RAPGEF6: variants seen among roughly 807,000 people sequenced by gnomAD.
RAPGEF6 encodes Rap guanine nucleotide exchange factor 6, also known as PDZ domain containing guanine nucleotide exchange factor (GEF) 2.
A neutral mutation model predicts 171.4 loss-of-function variants in RAPGEF6; 56 were observed. The ratio of observed to expected loss-of-function variants is 0.33; its 90% CI spans 0.26 to 0.41. RAPGEF6 has a LOEUF of 0.41. Among genes scored for constraint, RAPGEF6 ranks in the 10% least tolerant of loss-of-function variants. The pLI is 1.00. For missense variants in RAPGEF6, 1,674 were observed against 1,921.4 expected (o/e 0.87, Z 2.41); for synonymous variants, 692 against 650.1 (o/e 1.06, Z -0.98).
At chr5:131,634,929 T>G in intron 1 of RAPGEF6, 33 bp downstream of exon 1, 2 of 1,612,684 alleles carry the variant, frequency 1.2e-6, no homozygotes, top group Non-Finnish European at 1.7e-6. Context: ...TCTACTGGAC[T>G]GTGAGACGCA....
At chr5:131,463,179 CA>C in intron 18 of RAPGEF6, among the ~76,000 whole-genome samples, 1 of 152,266 alleles carries the variant, frequency 6.6e-6, no homozygotes, top group South Asian at 2.1e-4. Context: ...GTACAGCCAG[CA>C]AAACAGAGTT....
At chr5:131,464,359 C>A (rs1278034062) in intron 17 of RAPGEF6, 78 bp from the exon 18 acceptor site, 3 of 1,078,674 alleles carry the variant, frequency 2.8e-6, no homozygotes, top group Non-Finnish European at 4.2e-6. Context: ...ACGTGAAACA[C>A]AGTGATCCCT....
chr5:131,528,890 G>A (rs1485650170), intron 6 of RAPGEF6, among the ~76,000 whole-genome samples: 1 of 152,132 alleles, frequency 6.6e-6, no homozygotes, highest in Non-Finnish European at 1.5e-5. Flanking sequence ...AAGTGCTGCA[G>A]ATAGGTACAG....
At chr5:131,514,681 A>T (rs1757960982) in intron 7 of RAPGEF6, among the ~76,000 whole-genome samples, 1 of 152,214 alleles carries the variant, frequency 6.6e-6, no homozygotes, top group Admixed American at 6.5e-5. Context: ...ATTTGAAGAA[A>T]GGGCAACAAA....
rs372720200 is a variant in RAPGEF6, at chr5:131,488,283, GA to G, written c.1840+1262del. ...CACACTATCTCTGTATTTTTATTCA[GA>G]ATATTTAATACCAGTTAGTAATCTT... On this transcript the variant is annotated intron_variant, in intron 15 of 27. Transcript: ENST00000509018. Among the ~76,000 whole-genome samples, 628 of 152,196 alleles carry G rather than the reference GA, an allele frequency of 4.1e-3. 6 individuals carry two copies. Among genetic ancestry groups the G allele is most frequent in the African/African-American group, 0.015 (602 of 41,510 alleles).
rs976649629 is a variant in RAPGEF6, at chr5:131,427,162, T to C, written c.*104A>G. 5.7e-6 allele frequency: 6 copies of C among 1,046,356 alleles called. No individual in the cohort carries two copies. Among genetic ancestry groups the C allele is most frequent in the East Asian group, 4.7e-5 (2 of 42,278 alleles). The allele number at this position is 1,046,356 out of a possible 1,614,324, so 64.8% of individuals were successfully genotyped here. ...AGAGGGAATAAAACCTCTGGACTGGTTGTAGCAATGAGCTGTTCGTTAGCA... is the reference window on the plus strand; with the variant it reads ...AGAGGGAATAAAACCTCTGGACTGGCTGTAGCAATGAGCTGTTCGTTAGCA... On this transcript the variant is annotated 3_prime_UTR_variant, in exon 28 of 28. Coordinates refer to ENST00000509018, the MANE Select transcript of RAPGEF6 (RefSeq NM_016340.6).
chr5:131,635,227 TC>T lies in RAPGEF6; in HGVS notation c.-198del. ...CCACGCGCGACTGGCCGGAGACAAG[TC>T]TGCGCGGGGGCGGGGGAGAGTAAGT... On this transcript the variant is annotated 5_prime_UTR_variant, in exon 1 of 28. Coordinates refer to ENST00000509018, the MANE Select transcript of RAPGEF6 (RefSeq NM_016340.6). 1 of 559,394 alleles carries T rather than the reference TC, an allele frequency of 1.8e-6. No individual in the cohort carries two copies. The highest frequency in any genetic ancestry group is 2.3e-5 in the South Asian group (1 of 43,060). 34.7% of individuals were successfully genotyped at this position (559,394 alleles called of 1,614,324 possible). A position where few individuals can be genotyped will look rare whatever the true frequency, so the allele number is the denominator to read the frequency against.
chr5:131,427,267 TAG>T lies in RAPGEF6; in HGVS notation c.4803_4804del (p.Ter1602AlafsTer4), dbSNP rs773628481. 1.7e-5 allele frequency: 28 copies of T among 1,609,810 alleles called. No individual in the cohort carries two copies. The highest frequency in any genetic ancestry group is 2.3e-5 in the Non-Finnish European group (27 of 1,176,300). ...GTTTTCAAATAGGTCATCCAAAGGC[TAG>T]ACTGCTGAAACTTGTTCATTTTCTG... On this transcript the variant is annotated frameshift_variant and stop_lost, in exon 28 of 28. Coordinates refer to ENST00000509018, the MANE Select transcript of RAPGEF6 (RefSeq NM_016340.6). LOFTEE classifies it high-confidence loss of function.
chr5:131,549,015 G>A (rs1561554007), intron 5 of RAPGEF6, among the ~76,000 whole-genome samples: 2 of 151,922 alleles, frequency 1.3e-5, no homozygotes, highest in Non-Finnish European at 2.9e-5. Flanking sequence ...TGTTAGCTAT[G>A]ACTGCACAAC....
intron 4 of RAPGEF6, among the ~76,000 whole-genome samples, chr5:131,564,262 A>G (rs539642485): frequency 6.6e-6 from 1 of 152,336 alleles, no homozygotes; most frequent in East Asian, 1.9e-4. Context: ...ATTGTGCACA[A>G]GAGTATGCAT....
chr5:131,533,195 CA>C (rs1759521076), intron 6 of RAPGEF6, among the ~76,000 whole-genome samples: 5 of 151,494 alleles, frequency 3.3e-5, no homozygotes, highest in Non-Finnish European at 4.4e-5. Context: ...CACACACACA[CA>C]CACACACACA....
chr5:131,543,648 A>G (rs1263791445), intron 6 of RAPGEF6, among the ~76,000 whole-genome samples: 1 of 152,212 alleles, frequency 6.6e-6, no homozygotes, highest in African/African-American at 2.4e-5. Flanking sequence ...TCATTTTTAG[A>G]GGTGAAGCAC....
intron 1 of RAPGEF6, among the ~76,000 whole-genome samples, chr5:131,605,388 A>C (rs562962538): frequency 1.3e-5 from 2 of 152,340 alleles, no homozygotes; most frequent in South Asian, 4.1e-4. Context: ...GATTAAAAGC[A>C]GACAAGCTAC....
intron 7 of RAPGEF6, among the ~76,000 whole-genome samples, chr5:131,519,940 G>A (rs1421172343): frequency 6.6e-6 from 1 of 152,140 alleles, no homozygotes; most frequent in African/African-American, 2.4e-5. Flanking sequence ...GTATTAACTT[G>A]TTTCATCTCT....
chr5:131,628,085 A>G (rs1418839044), intron 1 of RAPGEF6, among the ~76,000 whole-genome samples: 2 of 152,184 alleles, frequency 1.3e-5, no homozygotes, highest in Non-Finnish European at 2.9e-5. Context: ...TAATAACCCT[A>G]CAATGGCCCC....
chr5:131,506,808 T>C (rs530688825), intron 9 of RAPGEF6, among the ~76,000 whole-genome samples: 28 of 152,198 alleles, frequency 1.8e-4, no homozygotes, highest in Non-Finnish European at 2.9e-4. Context: ...AAAATAGAAG[T>C]TACTTAAAAT....
chr5:131,536,063 G>A (rs1429808669), intron 6 of RAPGEF6, among the ~76,000 whole-genome samples: 1 of 152,044 alleles, frequency 6.6e-6, no homozygotes, highest in Non-Finnish European at 1.5e-5. Flanking sequence ...ATAATTTAGA[G>A]AAGTCAAACG....
intron 15 of RAPGEF6, among the ~76,000 whole-genome samples, chr5:131,484,998 C>T (rs1755779496): frequency 6.6e-6 from 1 of 152,146 alleles, no homozygotes; most frequent in South Asian, 2.1e-4. Context: ...ACAATCACAG[C>T]TCATTATAGT....
intron 4 of RAPGEF6, among the ~76,000 whole-genome samples, chr5:131,581,990 T>C (rs887945075): frequency 6.6e-6 from 1 of 152,184 alleles, no homozygotes; most frequent in Non-Finnish European, 1.5e-5. Context: ...CTTTGTAATA[T>C]CCATCCCCTG....
Sources: allele counts gnomAD v4.1 joint callset (sites outside exome capture counted in the v4.1 genomes callset), GRCh38; gene constraint gnomAD v4.1.1; transcripts MANE v1.5; gene names NCBI Gene and HGNC (gene_info 2026-07-23, HGNC 2026-07-21).